The following ARID4B variants were observed in gnomAD, a reference collection of about 807,000 sequenced individuals.
ARID4B encodes the protein AT-rich interactive domain-containing protein 4B.
ARID4B carries 26 observed loss-of-function variants against 147.5 expected under a neutral mutation model. That is an observed-to-expected ratio of 0.18 (90% CI 0.13 to 0.24). ARID4B has a LOEUF of 0.24. ARID4B is among the 10% of genes least tolerant of loss of function. The pLI, the probability that ARID4B is intolerant of heterozygous loss-of-function variation, is 1.00. For synonymous variants in ARID4B, 512 were observed against 507.9 expected, an observed-to-expected ratio of 1.01 and a Z score of -0.11; for missense variants, 1,179 against 1,511.5, an observed-to-expected ratio of 0.78 and a Z score of 3.65.
rs1197495003 is a variant in ARID4B at position 235,182,852 on chromosome 1, A to G, written c.2126-59T>C. ...GATAAGAACACTAGCAATGTCTTCT[A>G]TGTGCCAGGGACTGTATATATTAGG... On this transcript the variant is annotated intron_variant, in intron 19 of 23. Coordinates refer to ENST00000264183, the MANE Select transcript of ARID4B (RefSeq NM_016374.6). 4 of 1,498,896 alleles carry G rather than the reference A, an allele frequency of 2.7e-6. No homozygotes were observed. In the Admixed American group the frequency reaches 6.3e-5, roughly 24 times the overall value. The allele number at this position is 1,498,896 out of a possible 1,614,324, so 92.8% of individuals were successfully genotyped here.
rs562106151 is a variant in ARID4B at position 235,301,210 on chromosome 1, T to G, written c.6+25704A>C. ...CGAATCTACTTTTTCTACTGTAAAT[T>G]TTATTAAATCTAAATACAGAACAAG... is the stretch of plus-strand genomic sequence containing the variant. On this transcript the variant is annotated intron_variant, in intron 2 of 23. Transcript: ENST00000264183. Among the ~76,000 whole-genome samples the G allele has an allele frequency of 3.3e-5, 5 of 151,688 alleles. No homozygotes were observed. In the East Asian group the frequency reaches 9.9e-4, roughly 30 times the overall value.
chr1:235,191,813 C>T (rs1407392418), intron 19 of ARID4B, among the ~76,000 whole-genome samples: 1 of 152,142 alleles, frequency 6.6e-6, no homozygotes, highest in Non-Finnish European at 1.5e-5. Flanking sequence ...TGGCTCATGC[C>T]TATAATCCTA....
At chr1:235,303,890 T>C (rs555094903) in intron 2 of ARID4B, among the ~76,000 whole-genome samples, 2 of 151,938 alleles carry the variant, frequency 1.3e-5, no homozygotes, top group Non-Finnish European at 2.9e-5. Flanking sequence ...TTTGGAGACA[T>C]TTAGTAAAGT....
intron 3 of ARID4B, among the ~76,000 whole-genome samples, chr1:235,260,065 A>ATT (rs1670204400): frequency 6.6e-6 from 1 of 152,194 alleles, no homozygotes; most frequent in South Asian, 2.1e-4. Context: ...AATTTATTAA[A>ATT]ATGGAAGCAA....
intron 19 of ARID4B, among the ~76,000 whole-genome samples, chr1:235,193,090 T>C (rs1427074509): frequency 6.8e-6 from 1 of 147,074 alleles, no homozygotes; most frequent in Non-Finnish European, 1.5e-5. Flanking sequence ...CGAGACTCCG[T>C]CTCAAAAAAA....
At chr1:235,287,129 G>A (rs948152782) in intron 2 of ARID4B, among the ~76,000 whole-genome samples, 8 of 152,096 alleles carry the variant, frequency 5.3e-5, no homozygotes, top group Non-Finnish European at 8.8e-5. Context: ...CGTGGTGGCA[G>A]GTGCCTGTAG....
chr1:235,248,694 G>C (rs889846096), intron 6 of ARID4B, among the ~76,000 whole-genome samples: 1 of 152,164 alleles, frequency 6.6e-6, no homozygotes, highest in Non-Finnish European at 1.5e-5. Flanking sequence ...ATCACACATA[G>C]TAATTTTCAA....
chr1:235,194,187 T>C lies in ARID4B; in HGVS notation c.1951A>G (p.Lys651Glu), dbSNP rs1334366951. ...IKNKLDKEKD[K>E]DEKYSPKNCK... ...TTTTTTGGAGAGTATTTTTCATCTT[T>C]GTCTTTTTCTTTGTCTAATTTATTC... Residue 651 changes from lysine to glutamate, a missense_variant, in exon 19 of 24, where the codon AAA becomes GAA. This residue lies in a region of ARID4B where 321 missense variants were observed against 342.4 expected (regional missense o/e 0.94). Transcript: ENST00000264183. The C allele has an allele frequency of 1.1e-5, 17 of 1,611,034 alleles. No homozygotes were observed. The highest frequency in any genetic ancestry group is 1.4e-5 in the Non-Finnish European group (16 of 1,177,584).
At chr1:235,234,381 C>T in intron 9 of ARID4B, 32 bp downstream of exon 9, 1 of 1,372,148 alleles carries the variant, frequency 7.3e-7, no homozygotes, top group Non-Finnish European at 1.0e-6. Context: ...TATTTATAAA[C>T]TGGTTTTTCA....
chr1:235,224,740 G>T lies in ARID4B; in HGVS notation c.933C>A (p.Asn311Lys). The change falls in exon 12 of 24, where the codon AAC becomes AAA. Residue 311 changes from asparagine to lysine, a missense_variant. This residue lies in a region of ARID4B where 159 missense variants were observed against 190.5 expected (regional missense o/e 0.83). Coordinates refer to ENST00000264183, the MANE Select transcript of ARID4B (RefSeq NM_016374.6). ...EIEPFPEERE[N>K]FLQQLYKFME... ...TAAATTTGTACAATTGCTGAAGAAA[G>T]TTCTCCCTTTCTTCTGGAAATGGTT... The T allele has an allele frequency of 1.3e-6, 2 of 1,598,292 alleles. No homozygotes were observed. Among genetic ancestry groups the T allele is most frequent in the East Asian group, 2.2e-5 (1 of 44,646 alleles).
At chr1:235,260,498 CA>C in intron 3 of ARID4B, 143 bp downstream of exon 3, 1 of 543,010 alleles carries the variant, frequency 1.8e-6, no homozygotes, top group South Asian at 3.1e-5. Context: ...TTTAAAATAA[CA>C]AAAAATGCTT....
At chr1:235,197,791 T>C (rs913639220) in intron 17 of ARID4B, among the ~76,000 whole-genome samples, 13 of 152,226 alleles carry the variant, frequency 8.5e-5, no homozygotes, top group Admixed American at 8.5e-4. Context: ...GGTAAGTACT[T>C]TGAAAAGCTT....
At chr1:235,230,346 G>A (rs754904076) in intron 10 of ARID4B, among the ~76,000 whole-genome samples, 5 of 151,150 alleles carry the variant, frequency 3.3e-5, no homozygotes, top group Admixed American at 6.6e-5. Context: ...CCCGGGAGGT[G>A]GAGGGTGCAC....
chr1:235,298,558 A>G (rs1672912822), intron 2 of ARID4B, among the ~76,000 whole-genome samples: 1 of 148,530 alleles, frequency 6.7e-6, no homozygotes, highest in Admixed American at 6.8e-5. Context: ...TACAATGTAT[A>G]TTTATATATA....
At chr1:235,218,757 A>G (rs10925136) in intron 16 of ARID4B, among the ~76,000 whole-genome samples, 6,020 of 152,258 alleles carry the variant, frequency 0.04, 451 homozygotes, top group African/African-American at 0.14. Flanking sequence ...ACAAAAATAC[A>G]ACAAAGTATA....
chr1:235,196,876 TAAGAA>T (rs1478596331), intron 17 of ARID4B, among the ~76,000 whole-genome samples: 1 of 110,092 alleles, frequency 9.1e-6, no homozygotes, highest in Non-Finnish European at 1.9e-5. Flanking sequence ...AAAAAAGAAA[TAAGAA>T]AAGAAAAGCA....
In ARID4B at chr1:235,229,320, T is replaced by C; in HGVS notation, c.808A>G (p.Lys270Glu). Residue 270 changes from lysine (K) to glutamate (E), a missense_variant, in exon 11 of 24, where the codon AAA becomes GAA. Lys to Glu is a moderately conservative substitution (Grantham distance 56). Transcript: ENST00000264183. Reference protein sequence around the residue: ...TIPANWKTELKEDSSSSEAEE... With the variant: ...TIPANWKTELEEDSSSSEAEE... ...GCTTCACTGCTAGAGCTATCTTCTT[T>C]CAATTCAGTCTTCCAGTTAGCAGGA... The C allele has an allele frequency of 6.2e-7, 1 of 1,613,746 alleles. No homozygotes were observed. Among genetic ancestry groups the C allele is most frequent in the Non-Finnish European group, 8.5e-7 (1 of 1,179,886 alleles).
At chr1:235,212,064 G>A (rs1460002272) in intron 17 of ARID4B, among the ~76,000 whole-genome samples, 1 of 151,914 alleles carries the variant, frequency 6.6e-6, no homozygotes, top group Non-Finnish European at 1.5e-5. Context: ...GACAAACATG[G>A]CAAAACCCCA....
In ARID4B at chr1:235,327,034, G is replaced by A. The variant is rs1053750082; in HGVS notation, c.-49-66C>T. The A allele has an allele frequency of 2.2e-5, 25 of 1,162,718 alleles. No individual in the cohort carries two copies. In the Admixed American group the frequency reaches 2.7e-4, roughly 13 times the overall value. The allele number at this position is 1,162,718 out of a possible 1,614,324, so 72.0% of individuals were successfully genotyped here. A position where few individuals can be genotyped will look rare whatever the true frequency, so the allele number is the denominator to read the frequency against. On this transcript the variant is annotated intron_variant, in intron 1 of 23. Coordinates refer to ENST00000264183, the MANE Select transcript of ARID4B (RefSeq NM_016374.6). The stretch of plus-strand genomic sequence containing the variant: ...GCCCCTCTGCACTGGCGGAGGCGGA[G>A]GGAAAGAAGCGAGCGACGTCCGAAC...
Sources: allele counts gnomAD v4.1 joint callset (sites outside exome capture counted in the v4.1 genomes callset), GRCh38; gene constraint gnomAD v4.1.1; regional missense constraint gnomAD v4.1.1; transcripts MANE v1.5; gene names NCBI Gene and HGNC (gene_info 2026-07-23, HGNC 2026-07-21).